Variants in ZNF638 observed in about 807,000 individuals in gnomAD.
ZNF638 encodes the protein CTCL tumor antigen se33-1.
ZNF638 carries 46 observed loss-of-function variants against 195.6 expected under a neutral mutation model. That is an observed-to-expected ratio of 0.24 (90% confidence interval 0.19 to 0.30). The LOEUF (loss-of-function observed/expected upper bound fraction) is 0.30, where lower values mean the gene tolerates loss of function less well. Among genes scored for constraint, ZNF638 ranks in the 10% least tolerant of loss-of-function variants. The pLI is 1.00. For synonymous variants in ZNF638, 845 were observed against 772.0 expected (o/e 1.09, Z -1.57); for missense variants, 2,440 against 2,325.3 (o/e 1.05, Z -1.01).
chr2:71,406,302 A>G, intron 19 of ZNF638, 40 bp downstream of exon 19: 1 of 1,574,742 alleles, frequency 6.4e-7, no homozygotes, highest in Non-Finnish European at 8.7e-7. Context: ...CATTCTGTAA[A>G]GAATGTATAA....
At chr2:71,432,701 G>C (rs1192466736) in intron 26 of ZNF638, among the ~76,000 whole-genome samples, 1 of 152,202 alleles carries the variant, frequency 6.6e-6, no homozygotes, top group Non-Finnish European at 1.5e-5. Context: ...TACGTTTTCT[G>C]ATTAAAATTA....
chr2:71,433,368 C>G (rs981028712), intron 27 of ZNF638, 85 bp downstream of exon 27: 9 of 981,304 alleles, frequency 9.2e-6, no homozygotes, highest in African/African-American at 3.2e-5. Context: ...GTACATTTCC[C>G]CCCGCTTTAG....
In ZNF638 at chr2:71,371,738, A is replaced by C. The variant is rs565709952; in HGVS notation, c.2265+1733A>C. On this transcript the variant is annotated intron_variant, in intron 8 of 27. Coordinates refer to ENST00000264447, the MANE Select transcript of ZNF638 (RefSeq NM_014497.5). ...TCCTGTAAAGTGGCTTGAGTTCCTTATATATTCTGGTTATTAATCCCTTGT... is the reference window on the plus strand; with the variant it reads ...TCCTGTAAAGTGGCTTGAGTTCCTTCTATATTCTGGTTATTAATCCCTTGT... Among the ~76,000 whole-genome samples, 115 of 148,394 alleles carry C rather than the reference A, an allele frequency of 7.7e-4. 1 individual carries two copies. The highest frequency in any genetic ancestry group is 2.8e-3 in the African/African-American group (114 of 40,420).
chr2:71,377,323 C>T (rs1338601676), intron 8 of ZNF638, among the ~76,000 whole-genome samples: 1 of 152,162 alleles, frequency 6.6e-6, no homozygotes, highest in Admixed American at 6.5e-5. Context: ...CCATGACATA[C>T]TACTGCATTT....
At chr2:71,399,670 G>GTGCTT in intron 13 of ZNF638, 25 bp downstream of exon 13, 1 of 1,567,472 alleles carries the variant, frequency 6.4e-7, no homozygotes, top group Non-Finnish European at 8.7e-7. Context: ...TGGTCATTCA[G>GTGCTT]TGCTTTGTTT....
At chr2:71,433,143 C>T (rs749332986) in intron 26 of ZNF638, 22 bp from the exon 27 acceptor site, 1 of 1,460,696 alleles carries the variant, frequency 6.8e-7, no homozygotes, top group East Asian at 2.3e-5. Context: ...TAATTTTCTT[C>T]TTGTCTCTTC....
intron 20 of ZNF638, among the ~76,000 whole-genome samples, chr2:71,411,121 CCGAGTAG>C (rs1286096770): frequency 6.6e-6 from 1 of 150,768 alleles, no homozygotes; most frequent in African/African-American, 2.4e-5. Context: ...CCTCAGCCTT[CCGAGTAG>C]CTGGGACTAC....
chr2:71,363,744 G>A (rs572190404), intron 4 of ZNF638, among the ~76,000 whole-genome samples: 3 of 152,332 alleles, frequency 2.0e-5, no homozygotes, highest in East Asian at 3.9e-4. Context: ...CCAAGCAATT[G>A]GAGGGCTGAT....
At chr2:71,352,371 A>G (rs915728300) in intron 2 of ZNF638, among the ~76,000 whole-genome samples, 1 of 151,800 alleles carries the variant, frequency 6.6e-6, no homozygotes, top group African/African-American at 2.4e-5. Context: ...CCAGCTACTC[A>G]GGAGGCTGAG....
At chr2:71,363,397 A>G (rs956427770) in intron 4 of ZNF638, among the ~76,000 whole-genome samples, 3 of 152,044 alleles carry the variant, frequency 2.0e-5, no homozygotes, top group Non-Finnish European at 4.4e-5. Context: ...TGTTCTGAAA[A>G]TACTTTATTC....
intron 1 of ZNF638, among the ~76,000 whole-genome samples, chr2:71,332,211 G>A (rs1428259345): frequency 6.6e-6 from 1 of 152,252 alleles, no homozygotes; most frequent in Non-Finnish European, 1.5e-5. Flanking sequence ...TGGCGAGGCC[G>A]AGGCGGCCCC....
intron 20 of ZNF638, among the ~76,000 whole-genome samples, chr2:71,411,024 G>T (rs2080208980): frequency 8.2e-6 from 1 of 122,528 alleles, no homozygotes; most frequent in African/African-American, 3.3e-5. Flanking sequence ...TCGAGATGGA[G>T]CCTGGCTCTG....
intron 20 of ZNF638, among the ~76,000 whole-genome samples, chr2:71,410,235 G>A (rs558116625): frequency 2.0e-5 from 3 of 152,314 alleles, no homozygotes; most frequent in Non-Finnish European, 4.4e-5. Flanking sequence ...GGGCTGGAGT[G>A]CCATGGTTCA....
chr2:71,410,966 TC>T (rs1558876300), intron 20 of ZNF638, among the ~76,000 whole-genome samples: 1 of 133,530 alleles, frequency 7.5e-6, no homozygotes, highest in Non-Finnish European at 1.6e-5. Flanking sequence ...AGGAAGTTTT[TC>T]TCCCCACCCA....
chr2:71,422,281 A>G (rs2080448505), intron 21 of ZNF638, among the ~76,000 whole-genome samples: 9 of 152,108 alleles, frequency 5.9e-5, no homozygotes, highest in Admixed American at 5.9e-4. Context: ...TGGGTAATTA[A>G]AAAAATATTT....
chr2:71,405,157 C>T (rs1421451046), intron 17 of ZNF638, among the ~76,000 whole-genome samples: 2 of 152,154 alleles, frequency 1.3e-5, no homozygotes, highest in Admixed American at 1.3e-4. Flanking sequence ...ATCCTTGTTC[C>T]CTGATGTTCT....
Position 71,423,882 on chromosome 2 carries a change from C to G in ZNF638, c.4368C>G (p.Phe1456Leu), listed in dbSNP as rs368577262. ...RSGLAESSSK[F>L]KPTQSSLTRG... ...GCTTGGCAGAAAGCAGCAGTAAATT[C>G]AAACCTACTCAGAGCAGTCTTACCA... The change falls in exon 22 of 28, where the codon TTC becomes TTG. Residue 1456 changes from phenylalanine to leucine, a missense_variant. By Grantham distance (22) the Phe-to-Leu change is conservative. Coordinates refer to ENST00000264447, the MANE Select transcript of ZNF638 (RefSeq NM_014497.5). 3.1e-6 allele frequency: 5 copies of G among 1,613,928 alleles called. No homozygotes were observed. In the African/African-American group the frequency reaches 6.7e-5, roughly 22 times the overall value.
intron 6 of ZNF638, among the ~76,000 whole-genome samples, chr2:71,367,749 T>A (rs1413805430): frequency 5.6e-5 from 8 of 141,808 alleles, no homozygotes; most frequent in African/African-American, 2.2e-4. Context: ...TTTTTTTTTT[T>A]TTAAAAATAT....
At chr2:71,420,021 T>TGTGG (rs2080396583) in intron 21 of ZNF638, among the ~76,000 whole-genome samples, 1 of 130,186 alleles carries the variant, frequency 7.7e-6, no homozygotes, top group South Asian at 2.5e-4. Flanking sequence ...GAGAAAAAGA[T>TGTGG]GTGGGATATG....
Sources: allele counts gnomAD v4.1 joint callset (sites outside exome capture counted in the v4.1 genomes callset), GRCh38; gene constraint gnomAD v4.1.1; transcripts MANE v1.5; gene names NCBI Gene and HGNC (gene_info 2026-07-23, HGNC 2026-07-21).